The following KLHL32 variants were observed in gnomAD, a reference collection of about 807,000 sequenced individuals.
KLHL32 encodes the protein kelch-like protein 32.
A neutral mutation model predicts 64.8 loss-of-function variants in KLHL32; 35 were observed. The ratio of observed to expected loss-of-function variants is 0.54; its 90% CI spans 0.41 to 0.72. The LOEUF (loss-of-function observed/expected upper bound fraction) is 0.72. KLHL32 is among the 30% of genes least tolerant of loss of function. The probability of loss-of-function intolerance (pLI) is 0.00; values close to 1 mark genes in which losing one functional copy is unlikely to be tolerated. For synonymous variants in KLHL32, 259 were observed against 281.0 expected (o/e 0.92, Z 0.78); for missense variants, 589 against 768.5 (o/e 0.77, Z 2.76).
intron 3 of KLHL32, among the ~76,000 whole-genome samples, chr6:96,996,567 T>C (rs894560096): frequency 1.3e-5 from 2 of 152,198 alleles, no homozygotes; most frequent in African/African-American, 4.8e-5. Context: ...CTGAATGAAT[T>C]CGTAGTCTGG....
At chr6:97,003,030 T>G (rs1342378179) in intron 3 of KLHL32, among the ~76,000 whole-genome samples, 1 of 152,184 alleles carries the variant, frequency 6.6e-6, no homozygotes, top group East Asian at 1.9e-4. Flanking sequence ...ATAATGTGAT[T>G]GCGGGTCAAA....
chr6:96,931,428 T>A (rs150190423), intron 1 of KLHL32, among the ~76,000 whole-genome samples: 161 of 152,334 alleles, frequency 1.1e-3, no homozygotes, highest in African/African-American at 3.7e-3. Context: ...GAAGTTAGCC[T>A]GAGCAGTATA....
chr6:97,133,469 A>C (rs879530006), intron 10 of KLHL32, among the ~76,000 whole-genome samples: 1 of 152,254 alleles, frequency 6.6e-6, no homozygotes, highest in Non-Finnish European at 1.5e-5. Flanking sequence ...CCTTATAACT[A>C]CTTTTATTAT....
chr6:97,062,990 C>T (rs969626087), intron 4 of KLHL32, among the ~76,000 whole-genome samples: 2 of 152,158 alleles, frequency 1.3e-5, no homozygotes, highest in African/African-American at 4.8e-5. Flanking sequence ...CCAAGGTGCT[C>T]AGCATATTCA....
Position 97,114,408 on chromosome 6 carries a change from G to C in KLHL32, c.1253G>C (p.Arg418Pro). The C allele has an allele frequency of 6.2e-7, 1 of 1,614,220 alleles. No homozygotes were observed. Among genetic ancestry groups the C allele is most frequent in the Non-Finnish European group, 8.5e-7 (1 of 1,180,042 alleles). Residue 418 changes from arginine to proline, a missense_variant, in exon 7 of 11, where the codon CGA (arginine) becomes CCA (proline). By Grantham distance (103) the Arg-to-Pro change is moderately radical. Around this residue, in one of 3 missense-constraint regions of KLHL32, gnomAD observed 226 missense variants for 353.2 expected, o/e 0.64. Transcript: ENST00000369261. ...CGCCAGGTTCTGCCTACAGTTGAGC[G>C]ATATTGCCCCAAGAAGAACAAATGG... is the stretch of plus-strand genomic sequence containing the variant. Reference protein sequence around the residue: ...ELRQVLPTVERYCPKKNKWTF... With the variant: ...ELRQVLPTVEPYCPKKNKWTF...
At chr6:97,133,923 T>A (rs1799706242) in intron 10 of KLHL32, among the ~76,000 whole-genome samples, 1 of 152,122 alleles carries the variant, frequency 6.6e-6, no homozygotes, top group Admixed American at 6.6e-5. Flanking sequence ...AGGGTTAGGG[T>A]TAAGAAAACT....
chr6:96,949,473 C>G (rs1449597178), intron 1 of KLHL32, among the ~76,000 whole-genome samples: 4 of 152,174 alleles, frequency 2.6e-5, no homozygotes, highest in African/African-American at 7.2e-5. Context: ...TTTCTTTCCA[C>G]AGATGTAGAC....
At chr6:97,085,093 G>T (rs1310462376) in intron 5 of KLHL32, 33 bp from the exon 6 acceptor site, 13 of 1,572,054 alleles carry the variant, frequency 8.3e-6, no homozygotes, top group East Asian at 2.2e-5. Context: ...ATTTCTAAGA[G>T]ATCTTTTTTC....
At position 97,130,495 on chromosome 6, in the gene KLHL32, T is replaced by G. The variant is rs114977610; in HGVS notation, c.1414-262T>G. On this transcript the variant is annotated intron_variant, in intron 8 of 10. Coordinates refer to ENST00000369261, the MANE Select transcript of KLHL32 (RefSeq NM_052904.4). ...AAATTTCAATGTTCCCCTGATGTAATTCAAAATGCACTATAAAATGCAACA... is the reference window on the plus strand; with the variant it reads ...AAATTTCAATGTTCCCCTGATGTAAGTCAAAATGCACTATAAAATGCAACA... Among the ~76,000 whole-genome samples, 593 of 152,300 alleles carry G rather than the reference T, an allele frequency of 3.9e-3. 2 individuals carry two copies. Among genetic ancestry groups the G allele is most frequent in the African/African-American group, 0.013 (560 of 41,572 alleles).
At chr6:96,935,778 A>G (rs1349252243) in intron 1 of KLHL32, among the ~76,000 whole-genome samples, 1 of 152,254 alleles carries the variant, frequency 6.6e-6, no homozygotes, top group East Asian at 1.9e-4. Flanking sequence ...TAAATTTAGA[A>G]TTAAAAGAAA....
intron 3 of KLHL32, among the ~76,000 whole-genome samples, chr6:96,980,849 C>T (rs1776217890): frequency 6.6e-6 from 1 of 152,056 alleles, no homozygotes; most frequent in Non-Finnish European, 1.5e-5. Flanking sequence ...TAAAGACATA[C>T]CTGAGACTGG....
the KLHL32 span, among the ~76,000 whole-genome samples, chr6:96,917,234 G>A: frequency 1.3e-5 from 2 of 152,124 alleles, no homozygotes; most frequent in African/African-American, 4.8e-5. Flanking sequence ...GCTGGACTTA[G>A]GATAACCTAG....
At chr6:97,020,719 C>T (rs1390338732) in intron 3 of KLHL32, among the ~76,000 whole-genome samples, 1 of 150,996 alleles carries the variant, frequency 6.6e-6, no homozygotes, top group Non-Finnish European at 1.5e-5. Flanking sequence ...TTCCTCAACG[C>T]ATCAGCATCT....
At chr6:97,022,254 C>T (rs1782097927) in intron 3 of KLHL32, among the ~76,000 whole-genome samples, 1 of 150,746 alleles carries the variant, frequency 6.6e-6, no homozygotes, top group Non-Finnish European at 1.5e-5. Context: ...GTCATCCCTC[C>T]TACAACTCTC....
At chr6:96,986,526 C>G (rs1014946140) in intron 3 of KLHL32, among the ~76,000 whole-genome samples, 5 of 152,214 alleles carry the variant, frequency 3.3e-5, no homozygotes, top group Admixed American at 3.3e-4. Flanking sequence ...CCACCCAATT[C>G]GAGCTTCCTG....
chr6:97,017,013 A>G (rs1781305543), intron 3 of KLHL32, among the ~76,000 whole-genome samples: 1 of 152,220 alleles, frequency 6.6e-6, no homozygotes, highest in Non-Finnish European at 1.5e-5. Context: ...CTGTGAGTCA[A>G]TTAAACCTCT....
At chr6:96,990,747 C>A (rs1159437933) in intron 3 of KLHL32, among the ~76,000 whole-genome samples, 3 of 151,868 alleles carry the variant, frequency 2.0e-5, no homozygotes, top group Admixed American at 6.6e-5. Context: ...TGTTATGGGC[C>A]CAAGCTGGGG....
intron 5 of KLHL32, among the ~76,000 whole-genome samples, chr6:97,083,618 A>T (rs967416358): frequency 1.3e-5 from 2 of 152,210 alleles, no homozygotes; most frequent in African/African-American, 4.8e-5. Flanking sequence ...CTTATTTTTT[A>T]AAAGTCTAGA....
chr6:97,096,021 C>T (rs931582348), intron 6 of KLHL32, among the ~76,000 whole-genome samples: 2 of 151,920 alleles, frequency 1.3e-5, no homozygotes, highest in Non-Finnish European at 2.9e-5. Context: ...AAATGAGGCC[C>T]GGTTCAGAGG....
Sources: gnomAD v4.1 joint callset for allele counts (sites outside exome capture counted in the v4.1 genomes callset) on GRCh38, gnomAD v4.1.1 for gene constraint, gnomAD v4.1.1 regional missense constraint, MANE v1.5 for transcripts, NCBI Gene and HGNC (gene_info 2026-07-23, HGNC 2026-07-21) for gene names.